Variants in HPSE2 observed in about 807,000 individuals in gnomAD.
HPSE2 encodes the protein inactive heparanase-2.
Under a neutral mutation model 60.5 loss-of-function variants are expected in HPSE2, and 38 were observed. The observed-to-expected ratio is 0.63, with a 90% CI of 0.48 to 0.82. The LOEUF is 0.82. Ranked by LOEUF, HPSE2 falls within the 40% of genes least tolerant of loss-of-function variation. HPSE2 has a pLI of 0.00. For missense variants in HPSE2, 713 were observed against 740.4 expected (o/e 0.96, Z 0.43); for synonymous variants, 295 against 293.2 (o/e 1.01, Z -0.06).
chr10:99,159,486 G>A (rs1391090631), intron 2 of HPSE2, among the ~76,000 whole-genome samples: 4 of 152,116 alleles, frequency 2.6e-5, no homozygotes, highest in African/African-American at 7.2e-5. Flanking sequence ...AACTATACAT[G>A]CACACACATA....
chr10:98,590,678 T>C lies in HPSE2; in HGVS notation c.1320+24226A>G, dbSNP rs190039142. On this transcript the variant is annotated intron_variant, in intron 9 of 11. Coordinates refer to ENST00000370552, the MANE Select transcript of HPSE2 (RefSeq NM_021828.5). ...ACACCAGGATTAGATACACCCAGGA[T>C]TGTATGCCAACTTCCAATAGCTTTC... Among the ~76,000 whole-genome samples, 14 of 152,258 alleles carry C rather than the reference T, an allele frequency of 9.2e-5. No individual in the cohort carries two copies. In the East Asian group the frequency reaches 2.7e-3, roughly 29 times the overall value.
chr10:98,960,817 C>T (rs1955657443), intron 3 of HPSE2, among the ~76,000 whole-genome samples: 1 of 142,206 alleles, frequency 7.0e-6, no homozygotes, highest in Admixed American at 7.2e-5. Context: ...TATACATGTG[C>T]CATGCTGGTG....
chr10:98,813,174 C>A (rs536574926), intron 3 of HPSE2, among the ~76,000 whole-genome samples: 4 of 152,266 alleles, frequency 2.6e-5, no homozygotes, highest in Admixed American at 2.0e-4. Flanking sequence ...GCTTTCTGAT[C>A]TAGCATTCTT....
At chr10:99,280,955 T>C in the HPSE2 span, among the ~76,000 whole-genome samples, 1 of 152,174 alleles carries the variant, frequency 6.6e-6, no homozygotes, top group Non-Finnish European at 1.5e-5. Flanking sequence ...AGCTGCTACA[T>C]ACTAAATGTG....
chr10:98,841,307 T>C (rs1044995963), intron 3 of HPSE2, among the ~76,000 whole-genome samples: 4 of 152,168 alleles, frequency 2.6e-5, no homozygotes, highest in African/African-American at 4.8e-5. Context: ...TTTACCTATA[T>C]GGTTCTTCCA....
At chr10:98,529,309 G>A (rs1454509247) in intron 9 of HPSE2, among the ~76,000 whole-genome samples, 1 of 152,168 alleles carries the variant, frequency 6.6e-6, no homozygotes. Flanking sequence ...TAAATTTCTA[G>A]TTAAATCTGC....
intron 9 of HPSE2, among the ~76,000 whole-genome samples, chr10:98,574,629 T>C (rs541599552): frequency 6.6e-6 from 1 of 152,242 alleles, no homozygotes; most frequent in Non-Finnish European, 1.5e-5. Flanking sequence ...AAAAACTCCC[T>C]GGATAAGATG....
chr10:98,491,103 C>T (rs940382223), intron 9 of HPSE2, among the ~76,000 whole-genome samples: 5 of 152,210 alleles, frequency 3.3e-5, no homozygotes, highest in Non-Finnish European at 5.9e-5. Context: ...ACTCAAATTC[C>T]TGAATTCAGT....
At chr10:99,153,376 T>C (rs1846369613) in intron 2 of HPSE2, among the ~76,000 whole-genome samples, 1 of 152,198 alleles carries the variant, frequency 6.6e-6, no homozygotes, top group African/African-American at 2.4e-5. Flanking sequence ...AAGAGAGCAC[T>C]GGTTCTCCCA....
chr10:98,512,584 CA>C (rs34214972), intron 9 of HPSE2, among the ~76,000 whole-genome samples: 43 of 143,906 alleles, frequency 3.0e-4, no homozygotes, highest in East Asian at 6.2e-4. Flanking sequence ...GACTGCGTCT[CA>C]AAAAAAAAAA....
chr10:98,549,049 T>C (rs973668205), intron 9 of HPSE2, among the ~76,000 whole-genome samples: 2 of 152,182 alleles, frequency 1.3e-5, no homozygotes, highest in Non-Finnish European at 2.9e-5. Flanking sequence ...GATATGAATA[T>C]CCTAAAGTAC....
At chr10:99,224,594 G>C (rs1469108587) in intron 2 of HPSE2, among the ~76,000 whole-genome samples, 1 of 152,002 alleles carries the variant, frequency 6.6e-6, no homozygotes, top group Admixed American at 6.6e-5. Context: ...CTGACTACAG[G>C]AGTCCAGATC....
intron 3 of HPSE2, among the ~76,000 whole-genome samples, chr10:99,079,335 G>A (rs962749082): frequency 6.6e-6 from 1 of 151,436 alleles, no homozygotes; most frequent in Non-Finnish European, 1.5e-5. Flanking sequence ...AAGGAGCTAT[G>A]ACAACCGCCA....
At chr10:98,633,444 C>T (rs1946417713) in intron 7 of HPSE2, among the ~76,000 whole-genome samples, 4 of 152,152 alleles carry the variant, frequency 2.6e-5, no homozygotes, top group Admixed American at 2.6e-4. Context: ...GAACTCCTGG[C>T]TCAAATGATT....
At chr10:98,794,726 T>C (rs1950735100) in intron 3 of HPSE2, among the ~76,000 whole-genome samples, 2 of 152,250 alleles carry the variant, frequency 1.3e-5, no homozygotes, top group South Asian at 4.1e-4. Flanking sequence ...TCCTTTTCAA[T>C]ATAGCATATC....
intron 9 of HPSE2, among the ~76,000 whole-genome samples, chr10:98,582,211 C>T (rs772041042): frequency 4.6e-5 from 7 of 152,100 alleles, no homozygotes; most frequent in African/African-American, 9.7e-5. Flanking sequence ...AAAATGTAAA[C>T]GGAAAGAGTA....
rs1564910802 is a variant in HPSE2, at chr10:99,232,210, C to T, written c.448+138G>A. The T allele has an allele frequency of 5.1e-6, 4 of 782,738 alleles. No homozygotes were observed. The East Asian group carries it at 1.2e-4, about 24-fold the overall frequency. The allele number at this position is 782,738 out of a possible 1,614,324, so 48.5% of individuals were successfully genotyped here. A position where few individuals can be genotyped will look rare whatever the true frequency, so the allele number is the denominator to read the frequency against. Reference sequence around the variant, plus strand: ...CCAAATCTGCCCCAACGCGCGCGCGCGCATACACACACACACACACACACA... The same window carrying T: ...CCAAATCTGCCCCAACGCGCGCGCGTGCATACACACACACACACACACACA... On this transcript the variant is annotated intron_variant, in intron 2 of 11. Coordinates refer to ENST00000370552, the MANE Select transcript of HPSE2 (RefSeq NM_021828.5).
intron 3 of HPSE2, among the ~76,000 whole-genome samples, chr10:98,808,705 C>T (rs1329232667): frequency 2.0e-5 from 3 of 152,132 alleles, no homozygotes; most frequent in Admixed American, 1.3e-4. Context: ...AAAATCTGAG[C>T]GCAATCTGGG....
chr10:98,559,926 TG>T (rs1944122890), intron 9 of HPSE2, among the ~76,000 whole-genome samples: 1 of 152,150 alleles, frequency 6.6e-6, no homozygotes. Context: ...GACTGGGTTC[TG>T]GGTTCATGTG....
Sources: allele counts gnomAD v4.1 joint callset (sites outside exome capture counted in the v4.1 genomes callset), GRCh38; gene constraint gnomAD v4.1.1; transcripts MANE v1.5; gene names NCBI Gene and HGNC (gene_info 2026-07-23, HGNC 2026-07-21).